The following SLC16A6 variants were observed in gnomAD, a reference collection of about 807,000 sequenced individuals.
SLC16A6 encodes monocarboxylate transporter 7.
A neutral mutation model predicts 33.8 loss-of-function variants in SLC16A6; 15 were observed. The observed-to-expected ratio is 0.44, with a 90% CI of 0.30 to 0.68. SLC16A6 has a LOEUF of 0.68. Among genes scored for constraint, SLC16A6 ranks in the 30% least tolerant of loss-of-function variants. The probability of loss-of-function intolerance (pLI) is 0.10; values close to 1 mark genes in which losing one functional copy is unlikely to be tolerated. For missense variants in SLC16A6, 451 were observed against 661.5 expected (o/e 0.68, Z 3.49); for synonymous variants, 219 against 248.4 (o/e 0.88, Z 1.11).
At chr17:68,288,191 AG>A (rs2075887822) in intron 1 of SLC16A6, among the ~76,000 whole-genome samples, 1 of 151,738 alleles carries the variant, frequency 6.6e-6, no homozygotes, top group African/African-American at 2.4e-5. Flanking sequence ...TAGTAGAGAC[AG>A]GGTTTCACCA....
intron 1 of SLC16A6, among the ~76,000 whole-genome samples, chr17:68,289,152 C>G (rs1568421567): frequency 6.6e-6 from 1 of 152,096 alleles, no homozygotes; most frequent in East Asian, 1.9e-4. Flanking sequence ...TTGAGACCAA[C>G]CCGGGCAACA....
intron 2 of SLC16A6, among the ~76,000 whole-genome samples, chr17:68,277,045 C>T (rs1402852841): frequency 6.6e-6 from 1 of 152,190 alleles, no homozygotes; most frequent in Non-Finnish European, 1.5e-5. Context: ...ACCTTATCTC[C>T]TTGTACACAT....
chr17:68,288,702 G>C (rs974901871), intron 1 of SLC16A6, among the ~76,000 whole-genome samples: 4 of 152,196 alleles, frequency 2.6e-5, no homozygotes, highest in Non-Finnish European at 5.9e-5. Context: ...GACAGCCTTT[G>C]ACCGTCACTT....
At chr17:68,282,834 G>C (rs1373844042) in intron 1 of SLC16A6, among the ~76,000 whole-genome samples, 1 of 146,446 alleles carries the variant, frequency 6.8e-6, no homozygotes, top group Non-Finnish European at 1.5e-5. Context: ...TGTAACCCCA[G>C]CTACTTGGGA....
At chr17:68,273,561 A>AT (rs1203292240) in intron 3 of SLC16A6, among the ~76,000 whole-genome samples, 4 of 152,164 alleles carry the variant, frequency 2.6e-5, no homozygotes, top group African/African-American at 9.7e-5. Context: ...GCCCCCAAGA[A>AT]TAAGTCTGGC....
At chr17:68,287,845 TAAAAA>T (rs1425095593) in intron 1 of SLC16A6, among the ~76,000 whole-genome samples, 1 of 152,104 alleles carries the variant, frequency 6.6e-6, no homozygotes, top group Non-Finnish European at 1.5e-5. Context: ...GGTCTTTCCT[TAAAAA>T]ACCGAGTCAT....
intron 1 of SLC16A6, among the ~76,000 whole-genome samples, chr17:68,281,436 A>T (rs546722146): frequency 6.6e-6 from 1 of 151,586 alleles, no homozygotes; most frequent in Non-Finnish European, 1.5e-5. Context: ...GCGTGGTGGC[A>T]TGCACCTCTA....
chr17:68,287,953 T>TTC (rs150311794), intron 1 of SLC16A6, among the ~76,000 whole-genome samples: 90 of 146,220 alleles, frequency 6.2e-4, no homozygotes, highest in African/African-American at 2.0e-3. Context: ...CTCTCTCTCT[T>TTC]TCTCTCTCTC....
intron 5 of SLC16A6, among the ~76,000 whole-genome samples, chr17:68,269,932 C>CA (rs1186191631): frequency 6.6e-6 from 1 of 152,102 alleles, no homozygotes; most frequent in African/African-American, 2.4e-5. Context: ...CTCATCCTCC[C>CA]AAAGTGTTGG....
chr17:68,283,925 C>G (rs1473330764), intron 1 of SLC16A6, among the ~76,000 whole-genome samples: 2 of 145,264 alleles, frequency 1.4e-5, no homozygotes, highest in Non-Finnish European at 3.0e-5. Context: ...TAGCAAAACA[C>G]TGTCTCTACT....
At chr17:68,269,830 T>C (rs2144927641) in intron 5 of SLC16A6, among the ~76,000 whole-genome samples, 1 of 152,078 alleles carries the variant, frequency 6.6e-6, no homozygotes, top group African/African-American at 2.4e-5. Flanking sequence ...TCTGCCACCA[T>C]GCCCAGCTAC....
At chr17:68,291,149 C>G (rs1482579412), upstream of SLC16A6, 3 of 152,178 alleles carry the variant, frequency 2.0e-5, no homozygotes, top group Admixed American at 6.5e-5. Context: ...TTGGCCTCCC[C>G]CTCCTTATAA....
chr17:68,289,542 T>G (rs935098792), intron 1 of SLC16A6, among the ~76,000 whole-genome samples: 1 of 152,242 alleles, frequency 6.6e-6, no homozygotes, highest in Non-Finnish European at 1.5e-5. Context: ...ATTTCTCTTC[T>G]TCTTAAAGGC....
intron 1 of SLC16A6, among the ~76,000 whole-genome samples, chr17:68,289,001 C>T (rs1294576717): frequency 1.3e-5 from 2 of 152,166 alleles, no homozygotes; most frequent in Non-Finnish European, 2.9e-5. Flanking sequence ...ACACAATCCA[C>T]GGGCAGTTTG....
intron 2 of SLC16A6, among the ~76,000 whole-genome samples, chr17:68,277,202 G>A (rs1387960872): frequency 6.6e-6 from 1 of 151,890 alleles, no homozygotes; most frequent in African/African-American, 2.4e-5. Flanking sequence ...CATGATCTGG[G>A]CTTACTGCAA....
At position 68,271,710 on chromosome 17, in the gene SLC16A6, C is replaced by T. The variant is rs2075346526; in HGVS notation, c.506-56G>A. On this transcript the variant is annotated intron_variant, in intron 4 of 5. Coordinates refer to ENST00000580666, the MANE Select transcript of SLC16A6 (RefSeq NM_004694.5). This position sits in a 1 kb window ranked among gnomAD's most constrained non-coding sequence, Gnocchi z 5.3. ...TATAAGGTCAATAATGGACTCAAGACCCAGGAGAAGCCATCAAGAAGAAAT... is the reference window on the plus strand; with the variant it reads ...TATAAGGTCAATAATGGACTCAAGATCCAGGAGAAGCCATCAAGAAGAAAT... 1.4e-6 allele frequency: 2 copies of T among 1,396,120 alleles called. No homozygotes were observed. The highest frequency in any genetic ancestry group is 2.3e-5 in the East Asian group (1 of 42,710). 86.5% of individuals were successfully genotyped at this position (1,396,120 alleles called of 1,614,324 possible).
intron 2 of SLC16A6, among the ~76,000 whole-genome samples, chr17:68,275,334 G>GA (rs1219871838): frequency 1.3e-5 from 2 of 151,960 alleles, no homozygotes; most frequent in African/African-American, 4.8e-5. Flanking sequence ...AAGGAAGTGG[G>GA]AAAAAAAGGA....
At chr17:68,272,513 G>A (rs1319021405) in intron 4 of SLC16A6, 126 bp downstream of exon 4, 37 of 1,119,990 alleles carry the variant, frequency 3.3e-5, no homozygotes, top group Non-Finnish European at 4.1e-5. Flanking sequence ...GAGAAGAGAC[G>A]TAAATAACGT....
chr17:68,281,946 T>C (rs551654629), intron 1 of SLC16A6, among the ~76,000 whole-genome samples: 1 of 152,304 alleles, frequency 6.6e-6, no homozygotes, highest in Admixed American at 6.5e-5. Flanking sequence ...AGTGTGGCAA[T>C]TCCTCAAGGA....
Sources: allele counts gnomAD v4.1 joint callset (sites outside exome capture counted in the v4.1 genomes callset), GRCh38; gene constraint gnomAD v4.1.1; non-coding constraint Gnocchi (gnomAD v3.1); transcripts MANE v1.5; gene names NCBI Gene and HGNC (gene_info 2026-07-23, HGNC 2026-07-21).